The following CSMD1 variants were observed in gnomAD, a reference collection of about 807,000 sequenced individuals.
The protein encoded by CSMD1 is CUB and Sushi multiple domains 1, also known as CUB and sushi domain-containing protein 1.
In CSMD1, 213 loss-of-function variants were observed where a neutral mutation model predicts 417.5. The observed-to-expected ratio is 0.51, with a 90% CI of 0.46 to 0.57. The LOEUF is 0.57. Among genes scored for constraint, CSMD1 ranks in the 20% least tolerant of loss-of-function variants. The pLI, the probability that CSMD1 is intolerant of heterozygous loss-of-function variation, is 0.00. For missense variants in CSMD1, 6,923 were observed against 4,529.7 expected, an observed-to-expected ratio of 1.53 and a Z score of -15.17; for synonymous variants, 2,862 against 1,736.8, an observed-to-expected ratio of 1.65 and a Z score of -16.11.
intron 2 of CSMD1, among the ~76,000 whole-genome samples, chr8:4,580,367 C>T (rs1437584167): frequency 6.6e-6 from 1 of 152,188 alleles, no homozygotes; most frequent in Non-Finnish European, 1.5e-5. Context: ...ATTTTCATCG[C>T]AGTGTTGACC....
intron 11 of CSMD1, 46 bp downstream of exon 11, chr8:3,493,577 C>A: frequency 6.7e-7 from 1 of 1,501,354 alleles, no homozygotes. Context: ...CCACCGTGCC[C>A]CGCACTGCAT....
intron 3 of CSMD1, among the ~76,000 whole-genome samples, chr8:4,120,949 T>C (rs1010732361): frequency 1.3e-5 from 2 of 152,200 alleles, no homozygotes; most frequent in Non-Finnish European, 2.9e-5. Context: ...ATAATAAGAA[T>C]ACTTTTCTTA....
intron 31 of CSMD1, 113 bp from the exon 32 acceptor site, chr8:3,201,838 T>C: frequency 2.7e-6 from 1 of 368,804 alleles, no homozygotes; most frequent in Non-Finnish European, 4.5e-6. Context: ...ATCCTAAGAA[T>C]TTGGTAAAAA....
intron 4 of CSMD1, among the ~76,000 whole-genome samples, chr8:4,000,423 T>A (rs928833190): frequency 3.3e-5 from 5 of 152,200 alleles, no homozygotes; most frequent in Non-Finnish European, 7.3e-5. Context: ...CAGTACCATA[T>A]AAAAATAAGA....
At chr8:4,039,352 G>A (rs1263219102) in intron 3 of CSMD1, among the ~76,000 whole-genome samples, 1 of 152,168 alleles carries the variant, frequency 6.6e-6, no homozygotes, top group Non-Finnish European at 1.5e-5. Flanking sequence ...GCTGCTGAAA[G>A]CTCTTCACCC....
intron 1 of CSMD1, among the ~76,000 whole-genome samples, chr8:4,709,537 T>A (rs1384284252): frequency 2.0e-5 from 3 of 152,226 alleles, no homozygotes; most frequent in Non-Finnish European, 4.4e-5. Flanking sequence ...GGCAGAGACC[T>A]CGAGGCTGGA....
chr8:4,675,682 A>C (rs1394276726), intron 1 of CSMD1, among the ~76,000 whole-genome samples: 1 of 152,218 alleles, frequency 6.6e-6, no homozygotes, highest in Non-Finnish European at 1.5e-5. Flanking sequence ...TGTTTAAGTA[A>C]AAATCCAAGA....
At chr8:3,910,524 A>T (rs1313953820) in intron 5 of CSMD1, among the ~76,000 whole-genome samples, 1 of 152,214 alleles carries the variant, frequency 6.6e-6, no homozygotes, top group Non-Finnish European at 1.5e-5. Context: ...TTTACAAAGA[A>T]GTCAGATTCA....
At chr8:4,936,572 G>C (rs1022137929) in intron 1 of CSMD1, among the ~76,000 whole-genome samples, 3 of 152,182 alleles carry the variant, frequency 2.0e-5, no homozygotes, top group South Asian at 4.1e-4. Context: ...AGCATTTTAA[G>C]TAGACCTACC....
At chr8:3,141,632 G>A (rs1818486053) in intron 41 of CSMD1, among the ~76,000 whole-genome samples, 1 of 152,012 alleles carries the variant, frequency 6.6e-6, no homozygotes, top group Non-Finnish European at 1.5e-5. Context: ...CCCTGCACCT[G>A]GTGGATCAGC....
At chr8:4,585,980 T>C (rs1799679088) in intron 2 of CSMD1, among the ~76,000 whole-genome samples, 1 of 152,186 alleles carries the variant, frequency 6.6e-6, no homozygotes, top group Non-Finnish European at 1.5e-5. Flanking sequence ...ATTTGAAAAT[T>C]AATTCAAACT....
At chr8:3,651,982 C>A (rs1169818554) in intron 7 of CSMD1, among the ~76,000 whole-genome samples, 1 of 151,050 alleles carries the variant, frequency 6.6e-6, no homozygotes, top group African/African-American at 2.4e-5. Context: ...GAGCGCCTAC[C>A]AACATCATTA....
chr8:4,239,639 C>T (rs143698452), intron 3 of CSMD1, among the ~76,000 whole-genome samples: 2 of 152,184 alleles, frequency 1.3e-5, no homozygotes, highest in African/African-American at 4.8e-5. Context: ...CAAACTGCTG[C>T]AGCCATGCTC....
chr8:4,228,587 ATCTT>A (rs1326527124), intron 3 of CSMD1, among the ~76,000 whole-genome samples: 3 of 91,486 alleles, frequency 3.3e-5, no homozygotes, highest in African/African-American at 9.8e-5. Flanking sequence ...TCTCTGTCAG[ATCTT>A]TTTTTTTTTT....
At chr8:3,548,312 A>G (rs1798762626) in intron 10 of CSMD1, among the ~76,000 whole-genome samples, 1 of 152,012 alleles carries the variant, frequency 6.6e-6, no homozygotes, top group African/African-American at 2.4e-5. Flanking sequence ...TTTTATTTCC[A>G]TAGGTAATTG....
At chr8:3,234,165 C>G (rs754602082) in intron 26 of CSMD1, among the ~76,000 whole-genome samples, 1 of 152,176 alleles carries the variant, frequency 6.6e-6, no homozygotes, top group Admixed American at 6.5e-5. Context: ...CAGAGGCAAT[C>G]AGGGCAGGGC....
intron 3 of CSMD1, among the ~76,000 whole-genome samples, chr8:4,361,693 C>A (rs990644933): frequency 1.4e-4 from 21 of 151,874 alleles, no homozygotes; most frequent in Non-Finnish European, 2.4e-4. Flanking sequence ...GCTTGGCTCA[C>A]GCCTGTAATC....
intron 2 of CSMD1, among the ~76,000 whole-genome samples, chr8:4,568,474 T>C (rs1798725116): frequency 6.6e-6 from 1 of 152,194 alleles, no homozygotes; most frequent in Admixed American, 6.5e-5. Flanking sequence ...GGCTGCATAG[T>C]ATTCCATGGT....
At chr8:3,961,058 C>G (rs564497980) in intron 5 of CSMD1, among the ~76,000 whole-genome samples, 1 of 151,894 alleles carries the variant, frequency 6.6e-6, no homozygotes, top group Non-Finnish European at 1.5e-5. Context: ...ATTCAGAAAT[C>G]AAACAAAATT....
Sources: allele counts gnomAD v4.1 joint callset (sites outside exome capture counted in the v4.1 genomes callset), GRCh38; gene constraint gnomAD v4.1.1; transcripts MANE v1.5; gene names NCBI Gene and HGNC (gene_info 2026-07-23, HGNC 2026-07-21).